PPFIA2: variants seen among roughly 807,000 people sequenced by gnomAD.
The protein encoded by PPFIA2 is liprin-alpha-2.
Under a neutral mutation model 175.5 loss-of-function variants are expected in PPFIA2, and 46 were observed. The ratio of observed to expected loss-of-function variants is 0.26; its 90% CI spans 0.21 to 0.34. PPFIA2 has a LOEUF of 0.34. Ranked by LOEUF, PPFIA2 falls within the 10% of genes least tolerant of loss-of-function variation. PPFIA2 has a pLI of 1.00. For synonymous variants in PPFIA2, 568 were observed against 511.4 expected (o/e 1.11, Z -1.49); for missense variants, 1,179 against 1,506.1 (o/e 0.78, Z 3.60).
chr12:81,664,670 A>C (rs1268061621), intron 4 of PPFIA2, among the ~76,000 whole-genome samples: 1 of 152,138 alleles, frequency 6.6e-6, no homozygotes, highest in Admixed American at 6.6e-5. Context: ...TGTTTGACCC[A>C]GCCATCCCAT....
At chr12:81,377,443 T>C (rs2036620880) in intron 9 of PPFIA2, among the ~76,000 whole-genome samples, 1 of 151,592 alleles carries the variant, frequency 6.6e-6, no homozygotes, top group Non-Finnish European at 1.5e-5. Flanking sequence ...TCCCAGCTAC[T>C]CAGAGAGGCC....
At chr12:81,531,964 AT>A (rs2064637434) in intron 4 of PPFIA2, among the ~76,000 whole-genome samples, 1 of 151,882 alleles carries the variant, frequency 6.6e-6, no homozygotes, top group Admixed American at 6.6e-5. Flanking sequence ...GAAAATAAGT[AT>A]AATGGACACA....
intron 17 of PPFIA2, 98 bp downstream of exon 17, chr12:81,353,021 C>A: frequency 9.6e-7 from 1 of 1,043,344 alleles, no homozygotes; most frequent in South Asian, 1.5e-5. Context: ...CTATTAAGCT[C>A]CCAGTTAATG....
At chr12:81,338,335 T>C (rs1462368299) in intron 21 of PPFIA2, among the ~76,000 whole-genome samples, 1 of 152,106 alleles carries the variant, frequency 6.6e-6, no homozygotes, top group Non-Finnish European at 1.5e-5. Flanking sequence ...CAACCCCCCA[T>C]AAGTGAAGGA....
At chr12:81,290,286 G>T (rs2044570217) in intron 24 of PPFIA2, among the ~76,000 whole-genome samples, 1 of 151,246 alleles carries the variant, frequency 6.6e-6, no homozygotes, top group South Asian at 2.1e-4. Flanking sequence ...TTTGTGTTTT[G>T]TAAGTGTGAA....
At chr12:81,512,797 T>C (rs2061956591) in intron 4 of PPFIA2, among the ~76,000 whole-genome samples, 1 of 152,110 alleles carries the variant, frequency 6.6e-6, no homozygotes. Context: ...ATATTGTATT[T>C]GGTTTTCCAT....
chr12:81,437,503 G>C (rs1374773918), intron 7 of PPFIA2, among the ~76,000 whole-genome samples: 1 of 152,138 alleles, frequency 6.6e-6, no homozygotes, highest in Non-Finnish European at 1.5e-5. Flanking sequence ...AAAGTGCTGG[G>C]ATTACAGGTG....
At chr12:81,718,746 ATTTG>A (rs2078965874) in intron 3 of PPFIA2, among the ~76,000 whole-genome samples, 1 of 151,694 alleles carries the variant, frequency 6.6e-6, no homozygotes, top group African/African-American at 2.4e-5. Flanking sequence ...GATTATGTTC[ATTTG>A]TTTAAGTCCT....
At chr12:81,305,807 T>C (rs1351000717) in intron 22 of PPFIA2, among the ~76,000 whole-genome samples, 1 of 152,218 alleles carries the variant, frequency 6.6e-6, no homozygotes, top group African/African-American at 2.4e-5. Flanking sequence ...TTGGCAACTA[T>C]ATTGGAATGG....
At chr12:81,528,904 T>G (rs546650346) in intron 4 of PPFIA2, among the ~76,000 whole-genome samples, 73 of 152,040 alleles carry the variant, frequency 4.8e-4, no homozygotes, top group African/African-American at 1.7e-3. Context: ...AATCAATGAG[T>G]ACAAAAAATA....
At chr12:81,540,026 A>T (rs2065966089) in intron 4 of PPFIA2, among the ~76,000 whole-genome samples, 10 of 151,958 alleles carry the variant, frequency 6.6e-5, no homozygotes, top group Admixed American at 6.6e-4. Context: ...TATCTGCAAG[A>T]ATTCCCACAA....
At chr12:81,460,481 C>A (rs568388386) in intron 4 of PPFIA2, among the ~76,000 whole-genome samples, 2 of 152,082 alleles carry the variant, frequency 1.3e-5, no homozygotes, top group Admixed American at 1.3e-4. Flanking sequence ...TTGCATGATC[C>A]CCCTTAATTA....
At chr12:81,497,500 C>T (rs183237946) in intron 4 of PPFIA2, among the ~76,000 whole-genome samples, 37 of 129,060 alleles carry the variant, frequency 2.9e-4, no homozygotes, top group Non-Finnish European at 8.2e-5. Context: ...CCATGTTAGT[C>T]TTTAAGTGAC....
intron 22 of PPFIA2, among the ~76,000 whole-genome samples, chr12:81,316,436 A>G (rs1287485662): frequency 1.3e-5 from 2 of 151,634 alleles, no homozygotes; most frequent in Non-Finnish European, 3.0e-5. Context: ...TATTCTTGCT[A>G]TTAGACACTC....
intron 24 of PPFIA2, among the ~76,000 whole-genome samples, chr12:81,285,680 A>G (rs1443933282): frequency 6.6e-6 from 1 of 152,100 alleles, no homozygotes; most frequent in African/African-American, 2.4e-5. Flanking sequence ...GTTTGTGGTA[A>G]TGCTAGTGTA....
intron 7 of PPFIA2, among the ~76,000 whole-genome samples, chr12:81,412,551 T>A (rs1389679822): frequency 6.6e-6 from 1 of 151,942 alleles, no homozygotes; most frequent in Non-Finnish European, 1.5e-5. Context: ...CAACCACAAT[T>A]GCTTTTGCAC....
intron 3 of PPFIA2, among the ~76,000 whole-genome samples, chr12:81,742,305 G>T (rs1298863226): frequency 1.3e-5 from 2 of 152,144 alleles, no homozygotes; most frequent in African/African-American, 4.8e-5. Flanking sequence ...TTATATCGAT[G>T]AGCTACAAGG....
At chr12:81,694,340 C>G (rs2075636222) in intron 3 of PPFIA2, among the ~76,000 whole-genome samples, 1 of 152,100 alleles carries the variant, frequency 6.6e-6, no homozygotes, top group Admixed American at 6.6e-5. Context: ...ATGGGCCAGA[C>G]CTGGGGCCAC....
Position 81,562,235 on chromosome 12 carries a change from T to C in PPFIA2, c.304-104369A>G, listed in dbSNP as rs1387243416. On this transcript the variant is annotated intron_variant, in intron 4 of 32. Coordinates refer to ENST00000549396, the MANE Select transcript of PPFIA2 (RefSeq NM_003625.5). ...AAATCCAGTGAAAGAAACATAAAAA[T>C]TGAATACATCTAAAAGTAGTAAGTT... Among the ~76,000 whole-genome samples the C allele has an allele frequency of 5.9e-5, 9 of 152,270 alleles. No individual in the cohort carries two copies. In the South Asian group the frequency reaches 1.7e-3, roughly 28 times the overall value.
Sources: allele counts gnomAD v4.1 joint callset (sites outside exome capture counted in the v4.1 genomes callset), GRCh38; gene constraint gnomAD v4.1.1; transcripts MANE v1.5; gene names NCBI Gene and HGNC (gene_info 2026-07-23, HGNC 2026-07-21).